The following GEMIN8 variants were observed in gnomAD, a reference collection of about 807,000 sequenced individuals.
GEMIN8 encodes the protein gem nuclear organelle associated protein 8, also known as gem-associated protein 8.
For missense variants in GEMIN8, 185 were observed against 205.9 expected, an observed-to-expected ratio of 0.90 and a Z score of 0.62; for synonymous variants, 80 against 78.5, an observed-to-expected ratio of 1.02 and a Z score of -0.10.
intron 4 of GEMIN8, among the ~76,000 whole-genome samples, chrX:14,013,698 C>G (rs932092888): frequency 1.8e-5 from 2 of 111,036 alleles, no homozygotes; most frequent in African/African-American, 6.6e-5. Context: ...CAGGAAACAC[C>G]AGAAGTTGGA....
Position 14,009,035 on chromosome X carries a change from G to A in GEMIN8, c.607C>T (p.Arg203Cys), listed in dbSNP as rs758275848. The A allele has an allele frequency of 2.4e-5, 29 of 1,211,782 alleles. 1 individual carries two copies. The highest frequency in any genetic ancestry group is 1.8e-4 in the South Asian group (10 of 57,007). ...TTGGCAGCACTGTCCCCGTACAAACGCTTCATCTCGGCCTGGCGCCGCTCA... is the reference window on the plus strand; with the variant it reads ...TTGGCAGCACTGTCCCCGTACAAACACTTCATCTCGGCCTGGCGCCGCTCA... ...PGERRQAEMKRLYGDSAAKIQ... is the reference protein window; with the variant it reads ...PGERRQAEMKCLYGDSAAKIQ... Residue 203 changes from arginine (R) to cysteine (C), a missense_variant, in exon 5 of 5, where the codon CGT becomes TGT. Physicochemically the swap from Arg to Cys is radical, Grantham distance 180. Transcript: ENST00000680255.
At chrX:14,009,199 C>G (rs200985285) in intron 4 of GEMIN8, 30 bp from the exon 5 acceptor site, 334 of 1,199,698 alleles carry the variant, frequency 2.8e-4, no homozygotes, top group Non-Finnish European at 3.4e-4. Flanking sequence ...TGAACATGAA[C>G]ATAAACACAC....
At chrX:13,989,164 C>T in the GEMIN8 span, among the ~76,000 whole-genome samples, 2 of 111,443 alleles carry the variant, frequency 1.8e-5, no homozygotes, top group African/African-American at 6.5e-5. Context: ...TCAGGGCTCA[C>T]TGCAGCCTCA....
intron 4 of GEMIN8, among the ~76,000 whole-genome samples, chrX:14,016,071 T>C (rs1923880434): frequency 8.9e-6 from 1 of 111,991 alleles, no homozygotes; most frequent in Admixed American, 9.5e-5. Flanking sequence ...ATTATTTTCT[T>C]ACTGGTGCAA....
chrX:14,018,491 G>T lies in GEMIN8; in HGVS notation c.472+1587C>A, dbSNP rs183050490. On this transcript the variant is annotated intron_variant, in intron 4 of 4. Transcript: ENST00000680255. ...ACATGTTATTCTACTTTCTGGTAAG[G>T]ACAAGAGTAATAAACTCGATCTCCA... Among the ~76,000 whole-genome samples, 3 of 111,542 alleles carry T rather than the reference G, an allele frequency of 2.7e-5. No homozygotes were observed. The East Asian group carries it at 8.4e-4, about 31-fold the overall frequency.
intron 4 of GEMIN8, among the ~76,000 whole-genome samples, chrX:14,019,448 A>G (rs548983320): frequency 2.7e-5 from 3 of 112,161 alleles, no homozygotes; most frequent in Middle Eastern, 4.6e-3. Flanking sequence ...TGCAGAACCA[A>G]CAGGAAAGTT....
chrX:14,002,342 GA>G (rs1369543806), downstream of GEMIN8, among the ~76,000 whole-genome samples: 9 of 101,885 alleles, frequency 8.8e-5, no homozygotes, highest in African/African-American at 2.8e-4. Context: ...TAGATAGATA[GA>G]TAGATAGATA....
downstream of GEMIN8, among the ~76,000 whole-genome samples, chrX:14,005,234 C>T (rs1923104927): frequency 9.0e-6 from 1 of 110,565 alleles, no homozygotes; most frequent in Non-Finnish European, 1.9e-5. Context: ...GGGATGGGGC[C>T]AGCTGCCAGG....
chrX:13,994,594 A>G, the GEMIN8 span, among the ~76,000 whole-genome samples: 1 of 112,249 alleles, frequency 8.9e-6, no homozygotes, highest in African/African-American at 3.2e-5. Flanking sequence ...GTTTGTGGTG[A>G]AAGAACAGTT....
intron 4 of GEMIN8, chrX:14,014,119 G>A: frequency 1.3e-6 from 1 of 751,768 alleles, no homozygotes; most frequent in Non-Finnish European, 1.6e-6. Flanking sequence ...GAGCCCAAAG[G>A]CAGAACATGT....
At chrX:14,020,754 G>A (rs1423877894) in intron 3 of GEMIN8, among the ~76,000 whole-genome samples, 1 of 111,772 alleles carries the variant, frequency 8.9e-6, no homozygotes, top group Non-Finnish European at 1.9e-5. Context: ...ATGTACATAA[G>A]GTATGCACAA....
chrX:13,993,964 A>G, the GEMIN8 span, among the ~76,000 whole-genome samples: 3 of 110,946 alleles, frequency 2.7e-5, no homozygotes, highest in Non-Finnish European at 5.7e-5. Flanking sequence ...ATATTCTAAC[A>G]CATACTAAAG....
At chrX:14,025,155 A>G (rs567221985) in intron 2 of GEMIN8, among the ~76,000 whole-genome samples, 4 of 112,267 alleles carry the variant, frequency 3.6e-5, no homozygotes, top group African/African-American at 1.3e-4. Context: ...CAAATAAGGC[A>G]TAGAAAAACA....
At chrX:14,000,216 G>T in the GEMIN8 span, among the ~76,000 whole-genome samples, 1 of 110,863 alleles carries the variant, frequency 9.0e-6, no homozygotes, top group African/African-American at 3.3e-5. Context: ...GGGAGAATTG[G>T]TTGAGCCCAG....
intron 4 of GEMIN8, among the ~76,000 whole-genome samples, chrX:14,016,830 G>A (rs1297990520): frequency 1.6e-5 from 1 of 61,728 alleles, no homozygotes; most frequent in Non-Finnish European, 2.7e-5. Context: ...GGGTGACAGA[G>A]TAAGAATCTG....
intron 1 of GEMIN8, among the ~76,000 whole-genome samples, chrX:14,028,619 T>TA (rs63492360): frequency 0.25 from 27,144 of 108,098 alleles, 2,739 homozygotes; most frequent in Non-Finnish European, 0.3. Flanking sequence ...CCCTATCCTT[T>TA]AAAAAAAAAC....
chrX:14,015,658 A>G (rs1293210497), intron 4 of GEMIN8, among the ~76,000 whole-genome samples: 1 of 112,547 alleles, frequency 8.9e-6, no homozygotes, highest in African/African-American at 3.2e-5. Flanking sequence ...TGTGGAAGTG[A>G]ATAATACTGA....
rs755357900 is a variant in GEMIN8, at chrX:14,013,524, G to T, written c.473-4355C>A. 5.3e-5 allele frequency among the ~76,000 whole-genome samples: 6 copies of T among 112,153 alleles called. No homozygotes were observed. The East Asian group carries it at 1.7e-3, about 31-fold the overall frequency. On this transcript the variant is annotated intron_variant, in intron 4 of 4. Transcript: ENST00000680255. ...CCTTATTTGGAAATAGGGCTTTGTA[G>T]ATGTAATTAAAGGATCAAGATGAGA...
At chrX:14,011,720 C>T (rs1923563574) in intron 4 of GEMIN8, among the ~76,000 whole-genome samples, 1 of 110,476 alleles carries the variant, frequency 9.1e-6, no homozygotes, top group Admixed American at 9.7e-5. Context: ...ACATGTTCAA[C>T]TTCCTGCATA....
Sources: gnomAD v4.1 joint callset for allele counts (sites outside exome capture counted in the v4.1 genomes callset) on GRCh38, gnomAD v4.1.1 for gene constraint, MANE v1.5 for transcripts, NCBI Gene and HGNC (gene_info 2026-07-23, HGNC 2026-07-21) for gene names.